Variants in FGGY observed in about 807,000 individuals in gnomAD.
The protein encoded by FGGY is FGGY carbohydrate kinase domain containing.
In FGGY, 72 loss-of-function variants were observed where a neutral mutation model predicts 71.3. That is an observed-to-expected ratio of 1.01 (90% CI 0.84 to 1.23). The LOEUF (loss-of-function observed/expected upper bound fraction) is 1.23. FGGY is among the 50% of genes most tolerant of loss of function. The pLI is 0.00. For missense variants in FGGY, 668 were observed against 682.3 expected, an observed-to-expected ratio of 0.98 and a Z score of 0.23; for synonymous variants, 251 against 250.3, an observed-to-expected ratio of 1.00 and a Z score of -0.02.
intron 8 of FGGY, among the ~76,000 whole-genome samples, chr1:59,587,881 G>T (rs1004645764): frequency 6.6e-6 from 1 of 152,182 alleles, no homozygotes; most frequent in African/African-American, 2.4e-5. Flanking sequence ...ACTCTAAAAA[G>T]CAGAGCACCT....
intron 1 of FGGY, among the ~76,000 whole-genome samples, chr1:59,308,746 GA>G (rs1352992019): frequency 6.6e-6 from 1 of 152,090 alleles, no homozygotes; most frequent in Admixed American, 6.6e-5. Context: ...TAAAATTTGA[GA>G]AAATAAAAGT....
At chr1:59,307,342 A>G (rs1283252353) in intron 1 of FGGY, among the ~76,000 whole-genome samples, 1 of 149,418 alleles carries the variant, frequency 6.7e-6, no homozygotes, top group African/African-American at 2.5e-5. Flanking sequence ...AAAAAAATCG[A>G]GTGATTTAGA....
In FGGY at chr1:59,457,113, A is replaced by G. The variant is rs749185055; in HGVS notation, c.670+37A>G. The G allele has an allele frequency of 2.8e-6, 4 of 1,424,884 alleles. No individual in the cohort carries two copies. The South Asian group carries it at 3.5e-5, about 12-fold the overall frequency. 88.3% of individuals were successfully genotyped at this position (1,424,884 alleles called of 1,614,324 possible). Reference sequence around the variant, plus strand: ...AAACATCTGTAGAGTGATTATGTGCATTGGAGGATCTTGATGGGTTTGTTG... The same window carrying G: ...AAACATCTGTAGAGTGATTATGTGCGTTGGAGGATCTTGATGGGTTTGTTG... On this transcript the variant is annotated intron_variant, in intron 6 of 15. Coordinates refer to ENST00000303721, the MANE Select transcript of FGGY (RefSeq NM_018291.5).
intron 8 of FGGY, among the ~76,000 whole-genome samples, chr1:59,594,677 C>G (rs568226960): frequency 5.3e-5 from 8 of 152,232 alleles, no homozygotes; most frequent in Admixed American, 2.0e-4. Context: ...AGCTCTTACT[C>G]CTGACTCTGA....
rs192555741 is a variant in FGGY, at chr1:59,339,236, C to T, written c.202-722C>T. On this transcript the variant is annotated intron_variant, in intron 2 of 15. Coordinates refer to ENST00000303721, the MANE Select transcript of FGGY (RefSeq NM_018291.5). Reference sequence around the variant, plus strand: ...CAAATATTCCAAAATCTGAAAAATTCTGAAATCTGAAATGCTTTTGATCAC... The same window carrying T: ...CAAATATTCCAAAATCTGAAAAATTTTGAAATCTGAAATGCTTTTGATCAC... Among the ~76,000 whole-genome samples, 414 of 152,126 alleles carry T rather than the reference C, an allele frequency of 2.7e-3. 1 individual carries two copies. The highest frequency in any genetic ancestry group is 4.8e-3 in the Non-Finnish European group (329 of 67,982).
intron 5 of FGGY, among the ~76,000 whole-genome samples, chr1:59,389,752 C>T (rs1216074794): frequency 1.3e-5 from 2 of 152,260 alleles, no homozygotes; most frequent in East Asian, 3.9e-4. Flanking sequence ...TCTTATTTCC[C>T]TCTCCTTTAA....
chr1:59,507,443 A>G (rs1206986210), intron 6 of FGGY, among the ~76,000 whole-genome samples: 1 of 152,160 alleles, frequency 6.6e-6, no homozygotes, highest in Non-Finnish European at 1.5e-5. Context: ...TCTATTTTTC[A>G]CTTGGTTTGA....
chr1:59,414,016 G>T (rs2063986499), intron 5 of FGGY, among the ~76,000 whole-genome samples: 1 of 152,304 alleles, frequency 6.6e-6, no homozygotes, highest in South Asian at 2.1e-4. Context: ...TGGAGCTGGG[G>T]ACAAAAATCT....
chr1:59,388,561 G>A (rs1417832018), intron 5 of FGGY, among the ~76,000 whole-genome samples: 4 of 152,068 alleles, frequency 2.6e-5, no homozygotes, highest in African/African-American at 9.7e-5. Context: ...TGCCTGTGGT[G>A]ACTACAGTCC....
intron 5 of FGGY, among the ~76,000 whole-genome samples, chr1:59,451,898 C>A (rs1402647479): frequency 1.3e-5 from 2 of 152,052 alleles, no homozygotes; most frequent in African/African-American, 4.8e-5. Context: ...GTAACCTATT[C>A]TTTCTGTCTG....
chr1:59,415,845 A>C lies in FGGY; in HGVS notation c.554+37008A>C, dbSNP rs372394252. 3.4e-4 allele frequency among the ~76,000 whole-genome samples: 52 copies of C among 152,334 alleles called. 2 individuals carry two copies. In the South Asian group the frequency reaches 0.011, roughly 32 times the overall value. On this transcript the variant is annotated intron_variant, in intron 5 of 15. Transcript: ENST00000303721. ...TCAAGCTCATAACACCGTAGCTTCT[A>C]CAACAGAGAGCAACTGACTGTGCTT...
At chr1:59,346,610 T>C (rs2051976226) in intron 4 of FGGY, among the ~76,000 whole-genome samples, 1 of 152,154 alleles carries the variant, frequency 6.6e-6, no homozygotes, top group Non-Finnish European at 1.5e-5. Flanking sequence ...GTGACAAGTA[T>C]TGTACACATT....
intron 8 of FGGY, among the ~76,000 whole-genome samples, chr1:59,564,835 A>G (rs2095849455): frequency 6.6e-6 from 1 of 152,236 alleles, no homozygotes; most frequent in South Asian, 2.1e-4. Context: ...CGGCAAAGTC[A>G]GGTGAAACAA....
chr1:59,307,150 A>G (rs2043558695), intron 1 of FGGY, among the ~76,000 whole-genome samples: 1 of 152,004 alleles, frequency 6.6e-6, no homozygotes, highest in Non-Finnish European at 1.5e-5. Flanking sequence ...CACCATCTCT[A>G]TAAAAAATCT....
chr1:59,457,158 T>G, intron 6 of FGGY, 82 bp downstream of exon 6: 1 of 1,061,794 alleles, frequency 9.4e-7, no homozygotes, highest in Non-Finnish European at 1.4e-6. Context: ...TTTGTATGTT[T>G]CTTGTTTTTG....
Position 59,699,504 on chromosome 1 carries a change from T to G in FGGY, c.1512+25371T>G, listed in dbSNP as rs995094033. 1.0e-5 allele frequency: 7 copies of G among 694,700 alleles called. No homozygotes were observed. The African/African-American group carries it at 1.4e-4, about 14-fold the overall frequency. The allele number at this position is 694,700 out of a possible 1,614,324, so 43.0% of individuals were successfully genotyped here. A position where few individuals can be genotyped will look rare whatever the true frequency, so the allele number is the denominator to read the frequency against. On this transcript the variant is annotated intron_variant, in intron 14 of 15. Coordinates refer to ENST00000303721, the MANE Select transcript of FGGY (RefSeq NM_018291.5). Reference sequence around the variant, plus strand: ...AACCCCTCTGCTCTTTTGCCATGGATAGAAAAAGTATTTGTGGGTCATTGG... The same window carrying G: ...AACCCCTCTGCTCTTTTGCCATGGAGAGAAAAAGTATTTGTGGGTCATTGG...
chr1:59,456,530 G>A (rs6668427), intron 5 of FGGY, among the ~76,000 whole-genome samples: 2 of 149,726 alleles, frequency 1.3e-5, no homozygotes, highest in Non-Finnish European at 3.0e-5. Flanking sequence ...CTCACTGCAA[G>A]CTCTGCCTCC....
intron 11 of FGGY, among the ~76,000 whole-genome samples, chr1:59,653,441 G>A (rs1327333593): frequency 6.6e-6 from 1 of 152,212 alleles, no homozygotes; most frequent in East Asian, 1.9e-4. Flanking sequence ...CCAGGTGTGG[G>A]ATATAGTCTC....
intron 6 of FGGY, among the ~76,000 whole-genome samples, chr1:59,498,154 A>G (rs564411480): frequency 9.2e-5 from 14 of 152,324 alleles, no homozygotes; most frequent in African/African-American, 2.6e-4. Flanking sequence ...AGTGCTTACT[A>G]TGTACCAGAC....
Sources: allele counts gnomAD v4.1 joint callset (sites outside exome capture counted in the v4.1 genomes callset), GRCh38; gene constraint gnomAD v4.1.1; transcripts MANE v1.5; gene names NCBI Gene and HGNC (gene_info 2026-07-23, HGNC 2026-07-21).